PPP2R1A: variants seen among roughly 807,000 people sequenced by gnomAD.
The protein encoded by PPP2R1A is protein phosphatase 2 scaffold subunit Aalpha.
PPP2R1A carries 15 observed loss-of-function variants against 67.1 expected under a neutral mutation model. The observed-to-expected ratio is 0.22, with a 90% CI of 0.15 to 0.34. The LOEUF (loss-of-function observed/expected upper bound fraction) is 0.34, where lower values mean the gene tolerates loss of function less well. PPP2R1A is among the 10% of genes least tolerant of loss of function. PPP2R1A has a pLI of 1.00. For missense variants in PPP2R1A, 369 were observed against 775.0 expected, an observed-to-expected ratio of 0.48 and a Z score of 6.22; for synonymous variants, 337 against 325.0, an observed-to-expected ratio of 1.04 and a Z score of -0.40.
At chr19:52,203,822 A>G (rs4802903) in intron 2 of PPP2R1A, among the ~76,000 whole-genome samples, 73,719 of 151,954 alleles carry the variant, frequency 0.49, 18,693 homozygotes, top group African/African-American at 0.64. Flanking sequence ...TCAAGTTGGG[A>G]TTCCCACGAC....
intron 3 of PPP2R1A, among the ~76,000 whole-genome samples, chr19:52,207,993 G>T (rs191285863): frequency 2.0e-5 from 3 of 152,216 alleles, no homozygotes; most frequent in Admixed American, 2.0e-4. Context: ...CAGGTTATAA[G>T]AAATAGAAAA....
At chr19:52,192,291 T>A (rs1441828771) in intron 1 of PPP2R1A, among the ~76,000 whole-genome samples, 1 of 151,370 alleles carries the variant, frequency 6.6e-6, no homozygotes, top group Non-Finnish European at 1.5e-5. Context: ...AACAGATATG[T>A]AATGGCCTTT....
Position 52,211,602 on chromosome 19 carries a change from TCCACTC to T in PPP2R1A, c.503+118_503+123del. 1.8e-6 allele frequency: 2 copies of T among 1,116,084 alleles called. No individual in the cohort carries two copies. Among genetic ancestry groups the T allele is most frequent in the Non-Finnish European group, 2.5e-6 (2 of 789,928 alleles). The allele number at this position is 1,116,084 out of a possible 1,614,324, so 69.1% of individuals were successfully genotyped here. The stretch of plus-strand genomic sequence containing the variant: ...GGGGCCCAAATGCCCCTGAACTCTC[TCCACTC>T]CCACTCCTGCTTACCACCTGATAGG... On this transcript the variant is annotated intron_variant, in intron 4 of 14. Transcript: ENST00000322088. The surrounding 1 kb of genome is among the most constrained non-coding windows in gnomAD (Gnocchi z 5.3).
intron 3 of PPP2R1A, among the ~76,000 whole-genome samples, chr19:52,208,041 C>CA (rs1404751599): frequency 2.0e-5 from 3 of 152,098 alleles, no homozygotes; most frequent in East Asian, 1.9e-4. Context: ...AAACATTGAG[C>CA]AAGGTCTCTA....
intron 2 of PPP2R1A, 45 bp downstream of exon 2, chr19:52,202,079 A>C: frequency 6.5e-7 from 1 of 1,536,130 alleles, no homozygotes; most frequent in Non-Finnish European, 9.0e-7. Flanking sequence ...GACTCTTGGG[A>C]GGTGGTTTTC....
intron 1 of PPP2R1A, among the ~76,000 whole-genome samples, chr19:52,191,882 C>A (rs1379649107): frequency 6.6e-6 from 1 of 152,006 alleles, no homozygotes; most frequent in Non-Finnish European, 1.5e-5. Context: ...GTAGTGGTAG[C>A]GAATCCATAT....
intron 9 of PPP2R1A, among the ~76,000 whole-genome samples, chr19:52,218,785 C>G (rs143726749): frequency 6.6e-6 from 1 of 152,152 alleles, no homozygotes; most frequent in African/African-American, 2.4e-5. Flanking sequence ...CAAGCCCATA[C>G]GTGCTGCAAG....
rs2122334832 is a variant in PPP2R1A, at chr19:52,212,731, G to A, written c.549G>A (p.Arg183=). 6.2e-7 allele frequency: 1 copy of A among 1,614,040 alleles called. No individual in the cohort carries two copies. Among genetic ancestry groups the A allele is most frequent in the African/African-American group, 1.3e-5 (1 of 75,052 alleles). Reference sequence around the variant, plus strand: ...CAGATGACACCCCCATGGTGCGGCGGGCCGCAGCCTCCAAGCTGGGGGAGT... The same window carrying A: ...CAGATGACACCCCCATGGTGCGGCGAGCCGCAGCCTCCAAGCTGGGGGAGT... ...LCSDDTPMVR[R]AAASKLGEFA... Residue 183 remains arginine (R), a synonymous_variant, in exon 5 of 15, where the codon CGG becomes CGA. Transcript: ENST00000322088. This position sits in a 1 kb window ranked among gnomAD's most constrained non-coding sequence, Gnocchi z 4.1.
chr19:52,225,984 C>G lies in PPP2R1A; in HGVS notation c.*3C>G, dbSNP rs768839698. 1 of 1,614,228 alleles carries G rather than the reference C, an allele frequency of 6.2e-7. No individual in the cohort carries two copies. Among genetic ancestry groups the G allele is most frequent in the Admixed American group, 1.7e-5 (1 of 60,034 alleles). On this transcript the variant is annotated 3_prime_UTR_variant, in exon 15 of 15. Coordinates refer to ENST00000322088, the MANE Select transcript of PPP2R1A (RefSeq NM_014225.6). ...TCCTAGTTCTGTCTCTCGCCTGATG[C>G]TGGAAGAGGAGCAAACACTGGCCTC...
In PPP2R1A at chr19:52,216,540, C is replaced by T. The variant is rs569121300; in HGVS notation, c.1005C>T (p.Ser335=). ...QILPCIKELV[S]DANQHVKSAL... is the part of the protein sequence containing the mutation. Reference sequence around the variant, plus strand: ...CTTCTCTCTCCCAGGAGCTGGTGTCCGATGCCAACCAACATGTCAAGTCTG... The same window carrying T: ...CTTCTCTCTCCCAGGAGCTGGTGTCTGATGCCAACCAACATGTCAAGTCTG... Residue 335 remains serine (S), a synonymous_variant, in exon 9 of 15, where the codon TCC becomes TCT. Transcript: ENST00000322088. The surrounding 1 kb of genome is among the most constrained non-coding windows in gnomAD (Gnocchi z 4.3). 71 of 1,614,096 alleles carry T rather than the reference C, an allele frequency of 4.4e-5. No individual in the cohort carries two copies. Among genetic ancestry groups the T allele is most frequent in the Middle Eastern group, 1.7e-4 (1 of 6,060 alleles).
intron 1 of PPP2R1A, among the ~76,000 whole-genome samples, chr19:52,194,606 T>A (rs1454503372): frequency 6.6e-6 from 1 of 151,424 alleles, no homozygotes; most frequent in Non-Finnish European, 1.5e-5. Flanking sequence ...TCAGGACATG[T>A]TGAGGGGGGC....
chr19:52,221,924 T>C (rs1383580866), intron 12 of PPP2R1A, 175 bp from the exon 13 acceptor site: 11 of 560,128 alleles, frequency 2.0e-5, no homozygotes, highest in Non-Finnish European at 3.0e-5. Flanking sequence ...AACTGGGACA[T>C]GGTGTTAGGA....
intron 1 of PPP2R1A, 195 bp downstream of exon 1, chr19:52,190,369 G>T (rs2089441875): frequency 3.1e-6 from 2 of 655,248 alleles, no homozygotes; most frequent in East Asian, 5.6e-5. Flanking sequence ...CCAGTGGAGG[G>T]CGGGGGCCAG....
rs74536039 is a variant in PPP2R1A at position 52,212,890 on chromosome 19, G to A, written c.651+57G>A. 83,622 of 1,566,902 alleles carry A rather than the reference G, an allele frequency of 0.053. 2,559 individuals are homozygous for A. Among genetic ancestry groups the A allele is most frequent in the Non-Finnish European group, 0.061 (70,860 of 1,154,860 alleles). On this transcript the variant is annotated intron_variant, in intron 5 of 14. Coordinates refer to ENST00000322088, the MANE Select transcript of PPP2R1A (RefSeq NM_014225.6). The surrounding 1 kb of genome is among the most constrained non-coding windows in gnomAD (Gnocchi z 4.1). The stretch of plus-strand genomic sequence containing the variant: ...CGTCCTTCTGGTGGTTCCTGCCCAT[G>A]AAAGAGAATCCCAGAGCTCAGCAAG...
At chr19:52,223,165 A>G (rs1459908513) in intron 13 of PPP2R1A, among the ~76,000 whole-genome samples, 1 of 152,234 alleles carries the variant, frequency 6.6e-6, no homozygotes, top group Admixed American at 6.5e-5. Context: ...AGTTCAGTGG[A>G]GAAATGTATG....
At chr19:52,220,802 TA>T (rs943506691) in intron 11 of PPP2R1A, among the ~76,000 whole-genome samples, 176 bp from the exon 12 acceptor site, 4 of 151,366 alleles carry the variant, frequency 2.6e-5, no homozygotes, top group Non-Finnish European at 5.9e-5. Context: ...AGATACTGTA[TA>T]AAAAAAAACA....
At position 52,211,455 on chromosome 19, in the gene PPP2R1A, C is replaced by A. The variant is rs753308060; in HGVS notation, c.466C>A (p.Pro156Thr). The A allele has an allele frequency of 1.2e-6, 2 of 1,613,856 alleles. No homozygotes were observed. Among genetic ancestry groups the A allele is most frequent in the South Asian group, 1.1e-5 (1 of 91,056 alleles). The change falls in exon 4 of 15, where the codon CCC (proline) becomes ACC (threonine). Residue 156 changes from proline (P) to threonine (T), a missense_variant. Transcript: ENST00000322088. This position sits in a 1 kb window ranked among gnomAD's most constrained non-coding sequence, Gnocchi z 5.3. ...SACGLFSVCY[P>T]RVSSAVKAEL... ...CTGCGGCCTCTTCTCCGTCTGCTAC[C>A]CCCGAGTGTCCAGTGCTGTGAAGGC...
intron 1 of PPP2R1A, among the ~76,000 whole-genome samples, chr19:52,192,651 C>T (rs1430465128): frequency 6.6e-6 from 1 of 152,120 alleles, no homozygotes; most frequent in Non-Finnish European, 1.5e-5. Context: ...TCACTTCCTT[C>T]AGCTATCTAT....
rs909628192 is a variant in PPP2R1A, at chr19:52,229,269, C to G, written c.*3288C>G. 1 of 152,098 alleles carries G rather than the reference C, an allele frequency of 6.6e-6. No homozygotes were observed. The highest frequency in any genetic ancestry group is 2.4e-5 in the African/African-American group (1 of 41,376). 9.4% of individuals were successfully genotyped at this position (152,098 alleles called of 1,614,324 possible). ...ACCATCCTGACCAATTCAGTGAAAC[C>G]CTGTCTTTACTAAAAATATGAAAAA... is the stretch of plus-strand genomic sequence containing the variant. On this transcript the variant is annotated 3_prime_UTR_variant, in exon 15 of 15. Coordinates refer to ENST00000322088, the MANE Select transcript of PPP2R1A (RefSeq NM_014225.6).
Sources: gnomAD v4.1 joint callset for allele counts (sites outside exome capture counted in the v4.1 genomes callset) on GRCh38, gnomAD v4.1.1 for gene constraint, Gnocchi (gnomAD v3.1) non-coding constraint, MANE v1.5 for transcripts, NCBI Gene and HGNC (gene_info 2026-07-23, HGNC 2026-07-21) for gene names.